The following ZNF276 variants were observed in gnomAD, a reference collection of about 807,000 sequenced individuals.
The protein encoded by ZNF276 is centromere protein Z.
ZNF276 carries 59 observed loss-of-function variants against 63.9 expected under a neutral mutation model. That is an observed-to-expected ratio of 0.92 (90% confidence interval 0.75 to 1.15). The LOEUF (loss-of-function observed/expected upper bound fraction) is 1.15. Ranked by LOEUF, ZNF276 falls within the 50% of genes most tolerant of loss-of-function variation. The probability of loss-of-function intolerance (pLI) is 0.00; values close to 1 mark genes in which losing one functional copy is unlikely to be tolerated. For missense variants in ZNF276, 1,084 were observed against 843.8 expected (o/e 1.28, Z -3.53); for synonymous variants, 496 against 348.4 (o/e 1.42, Z -4.72).
intron 1 of ZNF276, among the ~76,000 whole-genome samples, 161 bp downstream of exon 1, chr16:89,722,006 G>C (rs1478824708): frequency 6.6e-6 from 1 of 152,114 alleles, no homozygotes; most frequent in Non-Finnish European, 1.5e-5. Flanking sequence ...CGGCCGGCTC[G>C]GTTTTCCTCG....
At chr16:89,737,105 A>G (rs2061948383) in intron 9 of ZNF276, among the ~76,000 whole-genome samples, 1 of 152,172 alleles carries the variant, frequency 6.6e-6, no homozygotes, top group Non-Finnish European at 1.5e-5. Context: ...TTCCAGAGCC[A>G]GTACAGCAAT....
chr16:89,724,096 C>T (rs942914593), intron 4 of ZNF276, among the ~76,000 whole-genome samples: 2 of 152,260 alleles, frequency 1.3e-5, no homozygotes, highest in Admixed American at 6.5e-5. Context: ...CCTGGGCCAG[C>T]TGCAGGTCAT....
intron 1 of ZNF276, 27 bp downstream of exon 1, chr16:89,721,872 G>A (rs945279195): frequency 1.7e-6 from 2 of 1,196,964 alleles, no homozygotes; most frequent in Non-Finnish European, 2.1e-6. Flanking sequence ...GGCGTGGCGG[G>A]TTGGGGTCGC....
chr16:89,736,312 C>G (rs1227354278), intron 9 of ZNF276, among the ~76,000 whole-genome samples: 1 of 150,418 alleles, frequency 6.6e-6, no homozygotes, highest in Non-Finnish European at 1.5e-5. Context: ...CAGGCATGAG[C>G]CACCGTGCCC....
Position 89,723,385 on chromosome 16 carries a change from A to C in ZNF276, c.682A>C (p.Ile228Leu). 6.2e-7 allele frequency: 1 copy of C among 1,613,036 alleles called. No homozygotes were observed. Among genetic ancestry groups the C allele is most frequent in the Non-Finnish European group, 8.5e-7 (1 of 1,180,028 alleles). ...RTLSSEYCGVIQVVWGCDQGH... is the reference protein window; with the variant it reads ...RTLSSEYCGVLQVVWGCDQGH... ...ACTGTCCTCCGAGTACTGCGGCGTC[A>C]TCCAGGTCGTGTGGGGCTGCGACCA... is the stretch of plus-strand genomic sequence containing the variant. Residue 228 changes from isoleucine to leucine, a missense_variant, in exon 4 of 11, where the codon ATC becomes CTC. Transcript: ENST00000443381.
At position 89,733,313 on chromosome 16, in the gene ZNF276, A is replaced by G; in HGVS notation, c.1181A>G (p.Lys394Arg). Reference protein sequence around the residue: ...EPYPERKVSGKKSESKEAKKS... With the variant: ...EPYPERKVSGRKSESKEAKKS... Reference sequence around the variant, plus strand: ...CCTCTTTTTTTCAGAGTCTCTGGTAAGAAGAGTGAAAGCAAAGAAGCCAAG... The same window carrying G: ...CCTCTTTTTTTCAGAGTCTCTGGTAGGAAGAGTGAAAGCAAAGAAGCCAAG... The change falls in exon 7 of 11, where the codon AAG (lysine) becomes AGG (arginine). Residue 394 changes from lysine to arginine, a missense_variant. Coordinates refer to ENST00000443381, the MANE Select transcript of ZNF276 (RefSeq NM_001113525.2). 6.2e-7 allele frequency: 1 copy of G among 1,613,996 alleles called. No homozygotes were observed. The highest frequency in any genetic ancestry group is 8.5e-7 in the Non-Finnish European group (1 of 1,179,974).
At position 89,738,633 on chromosome 16, in the gene ZNF276, C is replaced by A; in HGVS notation, c.*387C>A. The A allele has an allele frequency of 6.2e-7, 1 of 1,613,690 alleles. No homozygotes were observed. Among genetic ancestry groups the A allele is most frequent in the South Asian group, 1.1e-5 (1 of 91,060 alleles). On this transcript the variant is annotated 3_prime_UTR_variant, in exon 11 of 11. Coordinates refer to ENST00000443381, the MANE Select transcript of ZNF276 (RefSeq NM_001113525.2). ...AGATGAGGCTCCTGGGACAGGTCAG[C>A]GTCAGGGGCAGCCTGCTGTCTGCTC...
intron 9 of ZNF276, among the ~76,000 whole-genome samples, chr16:89,736,895 A>G (rs1185314241): frequency 2.6e-5 from 4 of 151,846 alleles, no homozygotes; most frequent in African/African-American, 9.7e-5. Context: ...ACAGAGCAAG[A>G]CTCAAGTCTC....
At chr16:89,721,411 C>T (rs1233347791), upstream of ZNF276, 3 of 409,714 alleles carry the variant, frequency 7.3e-6, no homozygotes, top group Non-Finnish European at 1.3e-5. Flanking sequence ...GCCCTCGGGC[C>T]CGAGAGGGGA....
rs1241081077 is a variant in ZNF276 at position 89,740,767 on chromosome 16, T to A, written c.*2521T>A. On this transcript the variant is annotated 3_prime_UTR_variant, in exon 11 of 11. Coordinates refer to ENST00000443381, the MANE Select transcript of ZNF276 (RefSeq NM_001113525.2). The stretch of plus-strand genomic sequence containing the variant: ...CCTGGTGCCCCTGCCTGGCCCACAG[T>A]GGGAGAGGACACCTTGGCTGGTAAG... 1 of 1,596,682 alleles carries A rather than the reference T, an allele frequency of 6.3e-7. No homozygotes were observed. Among genetic ancestry groups the A allele is most frequent in the Non-Finnish European group, 8.6e-7 (1 of 1,166,084 alleles).
In ZNF276 at chr16:89,740,884, C is replaced by T. The variant is rs759441149; in HGVS notation, c.*2638C>T. 2.6e-5 allele frequency: 41 copies of T among 1,600,300 alleles called. No homozygotes were observed. The South Asian group carries it at 3.9e-4, about 15-fold the overall frequency. ...ACCAATAGCTGTAAATAAAAACGTG[C>T]ACTTATTATTACATTAAAATTACCT... is the stretch of plus-strand genomic sequence containing the variant. On this transcript the variant is annotated 3_prime_UTR_variant, in exon 11 of 11. Coordinates refer to ENST00000443381, the MANE Select transcript of ZNF276 (RefSeq NM_001113525.2).
Position 89,738,410 on chromosome 16 carries a change from G to C in ZNF276, c.*164G>C. The C allele has an allele frequency of 2.2e-6, 3 of 1,374,252 alleles. No individual in the cohort carries two copies. The highest frequency in any genetic ancestry group is 3.0e-6 in the Non-Finnish European group (3 of 1,014,836). 85.1% of individuals were successfully genotyped at this position (1,374,252 alleles called of 1,614,324 possible). ...CTCAAGTAGCCTTCCTCTGCTCTGG[G>C]ACCAGTGGTTTATTTTCCCGCAAAC... On this transcript the variant is annotated 3_prime_UTR_variant, in exon 11 of 11. Coordinates refer to ENST00000443381, the MANE Select transcript of ZNF276 (RefSeq NM_001113525.2).
At chr16:89,724,083 T>A (rs749872378) in intron 4 of ZNF276, among the ~76,000 whole-genome samples, 20 of 152,240 alleles carry the variant, frequency 1.3e-4, no homozygotes, top group Non-Finnish European at 7.3e-5. Context: ...CTGCGGCTGC[T>A]GCCCTGGGCC....
At chr16:89,736,484 C>T (rs1024970046) in intron 9 of ZNF276, among the ~76,000 whole-genome samples, 1 of 151,822 alleles carries the variant, frequency 6.6e-6, no homozygotes. Flanking sequence ...GCCACCACAC[C>T]TGGCTAATTT....
chr16:89,732,744 T>C (rs143981682), intron 6 of ZNF276: 12 of 191,952 alleles, frequency 6.3e-5, no homozygotes, highest in Admixed American at 1.3e-4. Flanking sequence ...CTGACCCTGC[T>C]GTACCATGCC....
intron 5 of ZNF276, among the ~76,000 whole-genome samples, chr16:89,728,350 G>A (rs1377594177): frequency 4.6e-5 from 7 of 151,336 alleles, no homozygotes; most frequent in Non-Finnish European, 8.8e-5. Flanking sequence ...TCAGCCTCCC[G>A]AGTAGCTGGG....
intron 9 of ZNF276, chr16:89,737,432 A>G (rs2061967896): frequency 3.9e-6 from 1 of 254,302 alleles, no homozygotes; most frequent in East Asian, 6.1e-5. Flanking sequence ...GAGGCACAAG[A>G]ATCGCTTGAG....
rs148951357 is a variant in ZNF276, at chr16:89,729,239, G to T, written c.1090G>T (p.Val364Phe). The change falls in exon 6 of 11, where the codon GTC (valine) becomes TTC (phenylalanine). Residue 364 changes from valine (V) to phenylalanine (F), a missense_variant. By Grantham distance (50) the Val-to-Phe change is conservative. Transcript: ENST00000443381. ...AGATTCTCTCTTAATTCCTAGAGAC[G>T]TCTTGAGTGAAGATGAAAATGACAA... The part of the protein sequence containing the change: ...DEFSDLSEGD[V>F]LSEDENDKKQ... 3 of 1,613,914 alleles carry T rather than the reference G, an allele frequency of 1.9e-6. No individual in the cohort carries two copies. The highest frequency in any genetic ancestry group is 2.7e-5 in the African/African-American group (2 of 74,928).
At position 89,740,009 on chromosome 16, in the gene ZNF276, G is replaced by T. The variant is rs763626782; in HGVS notation, c.*1763G>T. On this transcript the variant is annotated 3_prime_UTR_variant, in exon 11 of 11. Coordinates refer to ENST00000443381, the MANE Select transcript of ZNF276 (RefSeq NM_001113525.2). The stretch of plus-strand genomic sequence containing the variant: ...TGTTTCTTACCACTCTCTGTCAACT[G>T]AAAGAGTGCCAGCCAGGATATCTTC... 1.9e-6 allele frequency: 3 copies of T among 1,614,200 alleles called. No individual in the cohort carries two copies. Among genetic ancestry groups the T allele is most frequent in the Non-Finnish European group, 2.5e-6 (3 of 1,180,012 alleles).
Sources: allele counts gnomAD v4.1 joint callset (sites outside exome capture counted in the v4.1 genomes callset), GRCh38; gene constraint gnomAD v4.1.1; transcripts MANE v1.5; gene names NCBI Gene and HGNC (gene_info 2026-07-23, HGNC 2026-07-21).